The following CELF2 variants were observed in gnomAD, a reference collection of about 807,000 sequenced individuals.
CELF2 encodes the protein CUG triplet repeat RNA-binding protein 2.
In CELF2, 8 loss-of-function variants were observed where a neutral mutation model predicts 62.6. That is an observed-to-expected ratio of 0.13 (90% confidence interval 0.07 to 0.23). The LOEUF (loss-of-function observed/expected upper bound fraction) is 0.23. Ranked by LOEUF, CELF2 falls within the 10% of genes least tolerant of loss-of-function variation. The pLI is 1.00. For missense variants in CELF2, 333 were observed against 671.0 expected (o/e 0.50, Z 5.56); for synonymous variants, 258 against 250.0 (o/e 1.03, Z -0.30).
At chr10:10,828,156 G>T (rs1464307669) in intron 1 of CELF2, among the ~76,000 whole-genome samples, 1 of 152,006 alleles carries the variant, frequency 6.6e-6, no homozygotes, top group African/African-American at 2.4e-5. Flanking sequence ...TCTACTTCTG[G>T]GTATGTACCC....
At chr10:11,041,397 T>C (rs1043998859) in intron 1 of CELF2, among the ~76,000 whole-genome samples, 4 of 152,154 alleles carry the variant, frequency 2.6e-5, no homozygotes, top group Non-Finnish European at 5.9e-5. Flanking sequence ...TAGTACAGTA[T>C]CGAAACCCAC....
At chr10:10,728,835 A>G in the CELF2 span, among the ~76,000 whole-genome samples, 1 of 152,192 alleles carries the variant, frequency 6.6e-6, no homozygotes. Flanking sequence ...CCACGAGAAC[A>G]TGAACTGGTT....
chr10:11,110,492 C>T lies in CELF2; in HGVS notation c.75-54994C>T, dbSNP rs561708257. On this transcript the variant is annotated intron_variant, in intron 1 of 12. Coordinates refer to ENST00000633077, the MANE Select transcript of CELF2 (RefSeq NM_001326342.2). The surrounding 1 kb of genome is among the most constrained non-coding windows in gnomAD (Gnocchi z 4.0). ...AAAGCTTCTGCTTATTTTTCTGCTT[C>T]GTCTAAACACTGCTAGATTGATGAA... Among the ~76,000 whole-genome samples the T allele has an allele frequency of 1.9e-4, 29 of 152,252 alleles. No individual in the cohort carries two copies. The highest frequency in any genetic ancestry group is 1.2e-3 in the Admixed American group (18 of 15,290).
At chr10:11,043,685 C>G (rs2062252952) in intron 1 of CELF2, among the ~76,000 whole-genome samples, 1 of 152,160 alleles carries the variant, frequency 6.6e-6, no homozygotes, top group Admixed American at 6.5e-5. Context: ...TCCAGGCCAT[C>G]AACAACCTTG....
At chr10:11,222,078 C>T (rs370608800) in intron 3 of CELF2, among the ~76,000 whole-genome samples, 1 of 152,214 alleles carries the variant, frequency 6.6e-6, no homozygotes, top group Non-Finnish European at 1.5e-5. Flanking sequence ...TGGGTAGGCA[C>T]CTTCCTCCCA....
intron 2 of CELF2, among the ~76,000 whole-genome samples, chr10:10,980,916 C>T (rs1219508720): frequency 2.6e-5 from 4 of 152,202 alleles, no homozygotes; most frequent in Non-Finnish European, 4.4e-5. Flanking sequence ...CCACCACACA[C>T]AGCCCCTTTT....
chr10:10,700,951 C>A, the CELF2 span, among the ~76,000 whole-genome samples: 1 of 152,194 alleles, frequency 6.6e-6, no homozygotes, highest in Non-Finnish European at 1.5e-5. Context: ...ACGCCTCCAC[C>A]TACCAAGTTC....
rs2064474083 is a variant in CELF2 at position 11,220,361 on chromosome 10, G to A, written c.354+2854G>A. On this transcript the variant is annotated intron_variant, in intron 3 of 12. Transcript: ENST00000633077. This position sits in a 1 kb window ranked among gnomAD's most constrained non-coding sequence, Gnocchi z 4.4. ...TGTATGCGCCATCTTTCTTTCTTGA[G>A]GGACACAAAGAACTTGGTTAGTTAG... Among the ~76,000 whole-genome samples, 1 of 152,158 alleles carries A rather than the reference G, an allele frequency of 6.6e-6. No homozygotes were observed. The highest frequency in any genetic ancestry group is 1.5e-5 in the Non-Finnish European group (1 of 68,018).
chr10:11,034,918 A>G (rs2060717939), intron 1 of CELF2, among the ~76,000 whole-genome samples: 1 of 152,168 alleles, frequency 6.6e-6, no homozygotes, highest in Non-Finnish European at 1.5e-5. Context: ...TTCGAGATCC[A>G]ACCTGAGGCT....
At chr10:11,219,275 C>G (rs2064132540) in intron 3 of CELF2, among the ~76,000 whole-genome samples, 1 of 152,214 alleles carries the variant, frequency 6.6e-6, no homozygotes, top group Admixed American at 6.5e-5. Context: ...TGTTGAAATG[C>G]ATGAAAGCGA....
chr10:10,474,789 G>A, the CELF2 span, among the ~76,000 whole-genome samples: 1 of 152,212 alleles, frequency 6.6e-6, no homozygotes, highest in South Asian at 2.1e-4. Context: ...TCTACGGAAA[G>A]TAGACTGTAC....
intron 1 of CELF2, among the ~76,000 whole-genome samples, chr10:10,916,934 CTTTT>C (rs572542157): frequency 7.1e-6 from 1 of 141,142 alleles, no homozygotes; most frequent in Admixed American, 7.2e-5. Flanking sequence ...TCTTCTTCTT[CTTTT>C]TTTTTTTTTT....
At chr10:11,059,675 C>T (rs1485271003) in intron 1 of CELF2, among the ~76,000 whole-genome samples, 4 of 152,124 alleles carry the variant, frequency 2.6e-5, no homozygotes, top group East Asian at 3.9e-4. Context: ...AGATAGCAGC[C>T]ATCAGGACAG....
At chr10:10,548,607 T>C in the CELF2 span, among the ~76,000 whole-genome samples, 67 of 152,346 alleles carry the variant, frequency 4.4e-4, 3 homozygotes, top group East Asian at 0.013. Flanking sequence ...GGTAGATCAA[T>C]AATTTTCCCT....
chr10:10,965,356 A>G (rs191990154), intron 2 of CELF2, among the ~76,000 whole-genome samples: 1 of 152,320 alleles, frequency 6.6e-6, no homozygotes, highest in East Asian at 1.9e-4. Context: ...GATTCTCCCC[A>G]GGGACAAATC....
At chr10:10,897,745 T>C (rs888990107) in intron 1 of CELF2, among the ~76,000 whole-genome samples, 7 of 152,116 alleles carry the variant, frequency 4.6e-5, no homozygotes, top group East Asian at 1.9e-4. Flanking sequence ...TCTGAGAGCA[T>C]TATATCAGCA....
At chr10:11,019,592 C>CAA (rs143232497) in intron 1 of CELF2, among the ~76,000 whole-genome samples, 20 of 151,306 alleles carry the variant, frequency 1.3e-4, no homozygotes, top group African/African-American at 4.6e-4. Context: ...ACCTCCCCAC[C>CAA]AAAAAAAAGG....
At chr10:11,025,916 C>G (rs889232786) in intron 1 of CELF2, among the ~76,000 whole-genome samples, 1 of 152,196 alleles carries the variant, frequency 6.6e-6, no homozygotes, top group African/African-American at 2.4e-5. Context: ...GCAGTTCTGC[C>G]ATGTTACTGG....
chr10:10,512,685 G>T, the CELF2 span, among the ~76,000 whole-genome samples: 6 of 152,242 alleles, frequency 3.9e-5, no homozygotes, highest in African/African-American at 1.4e-4. Context: ...AAAGTGCTGG[G>T]ATTATAGGCG....
Sources: allele counts gnomAD v4.1 joint callset (sites outside exome capture counted in the v4.1 genomes callset), GRCh38; gene constraint gnomAD v4.1.1; non-coding constraint Gnocchi (gnomAD v3.1); transcripts MANE v1.5; gene names NCBI Gene and HGNC (gene_info 2026-07-23, HGNC 2026-07-21).